The following RIMS2 variants were observed in gnomAD, a reference collection of about 807,000 sequenced individuals.
RIMS2 encodes the protein regulating synaptic membrane exocytosis protein 2.
In RIMS2, 59 loss-of-function variants were observed where a neutral mutation model predicts 174.4. The ratio of observed to expected loss-of-function variants is 0.34; its 90% CI spans 0.27 to 0.42. The LOEUF (loss-of-function observed/expected upper bound fraction) is 0.42, where lower values mean the gene tolerates loss of function less well. RIMS2 is among the 10% of genes least tolerant of loss of function. The pLI is 1.00. For missense variants in RIMS2, 1,620 were observed against 1,666.3 expected, an observed-to-expected ratio of 0.97 and a Z score of 0.48; for synonymous variants, 606 against 572.5, an observed-to-expected ratio of 1.06 and a Z score of -0.84.
At chr8:103,619,585 A>G (rs986015057) in intron 1 of RIMS2, among the ~76,000 whole-genome samples, 1 of 152,174 alleles carries the variant, frequency 6.6e-6, no homozygotes, top group African/African-American at 2.4e-5. Flanking sequence ...GTGGGGAAGA[A>G]AAGAAAGAGC....
intron 3 of RIMS2, among the ~76,000 whole-genome samples, chr8:103,850,787 T>A (rs2098993667): frequency 6.6e-6 from 1 of 152,046 alleles, no homozygotes; most frequent in African/African-American, 2.4e-5. Flanking sequence ...ATGTACCAGA[T>A]CTGCTCTGTT....
intron 11 of RIMS2, among the ~76,000 whole-genome samples, chr8:103,930,433 A>G (rs2079681127): frequency 6.6e-6 from 1 of 152,068 alleles, no homozygotes; most frequent in Non-Finnish European, 1.5e-5. Context: ...TTCTGGGCCA[A>G]GATATGGATC....
chr8:104,183,568 A>G (rs918790453), intron 19 of RIMS2, among the ~76,000 whole-genome samples: 51 of 151,618 alleles, frequency 3.4e-4, no homozygotes, highest in Admixed American at 5.3e-4. Flanking sequence ...CATGGGGGGG[A>G]AAATGAGCAT....
intron 16 of RIMS2, among the ~76,000 whole-genome samples, chr8:103,984,121 C>A (rs1400731173): frequency 4.6e-5 from 7 of 152,006 alleles, no homozygotes; most frequent in Admixed American, 3.9e-4. Context: ...TTGCAGTGAG[C>A]CGAGATCGCG....
At chr8:103,979,477 A>AT (rs1450183799) in intron 16 of RIMS2, among the ~76,000 whole-genome samples, 1 of 152,208 alleles carries the variant, frequency 6.6e-6, no homozygotes, top group African/African-American at 2.4e-5. Flanking sequence ...ACTACTGAGT[A>AT]TCAAAGGATA....
At chr8:103,783,150 GT>G (rs1435447502) in intron 3 of RIMS2, among the ~76,000 whole-genome samples, 1 of 152,050 alleles carries the variant, frequency 6.6e-6, no homozygotes, top group Non-Finnish European at 1.5e-5. Flanking sequence ...CAATTGTATG[GT>G]TGTTGACAGA....
At chr8:104,088,390 T>A (rs2097574063) in intron 19 of RIMS2, among the ~76,000 whole-genome samples, 1 of 152,042 alleles carries the variant, frequency 6.6e-6, no homozygotes, top group African/African-American at 2.4e-5. Flanking sequence ...CCAAGAGCCC[T>A]GCCCAGAACT....
At chr8:103,634,110 CT>C (rs1235833660) in intron 1 of RIMS2, among the ~76,000 whole-genome samples, 1 of 152,072 alleles carries the variant, frequency 6.6e-6, no homozygotes, top group East Asian at 1.9e-4. Context: ...AGTTGTGAAG[CT>C]AGGTTGTTAA....
chr8:104,228,097 C>G (rs925182719), intron 19 of RIMS2, among the ~76,000 whole-genome samples: 2 of 149,250 alleles, frequency 1.3e-5, no homozygotes, highest in African/African-American at 2.5e-5. Context: ...GGTGCGATCT[C>G]GGCTCACTGC....
At chr8:103,998,302 A>ATAT in intron 17 of RIMS2, 1 of 1,196,982 alleles carries the variant, frequency 8.4e-7, no homozygotes, top group East Asian at 2.4e-5. Context: ...GTGCCTGTGT[A>ATAT]TTGATATGAT....
At chr8:104,163,312 A>G (rs193130625) in intron 19 of RIMS2, among the ~76,000 whole-genome samples, 21 of 152,290 alleles carry the variant, frequency 1.4e-4, no homozygotes, top group African/African-American at 5.1e-4. Context: ...TATTCAGTAA[A>G]TATTTATTGA....
chr8:103,886,550 T>C (rs1782455726), intron 4 of RIMS2, among the ~76,000 whole-genome samples: 1 of 151,914 alleles, frequency 6.6e-6, no homozygotes, highest in African/African-American at 2.4e-5. Context: ...TTTTGTCTCC[T>C]TATAAAAGTA....
intron 19 of RIMS2, 141 bp downstream of exon 23, chr8:104,068,753 ATG>A (rs2097146701): frequency 1.8e-6 from 1 of 560,078 alleles, no homozygotes; most frequent in Non-Finnish European, 3.2e-6. Context: ...GCTAAAATTT[ATG>A]TGTTTGTATA....
chr8:104,149,623 C>G (rs1426048770), intron 19 of RIMS2, among the ~76,000 whole-genome samples: 1 of 152,124 alleles, frequency 6.6e-6, no homozygotes, highest in African/African-American at 2.4e-5. Flanking sequence ...AGCATATCTT[C>G]TACTTGACAA....
chr8:103,529,323 A>G (rs182721236), intron 1 of RIMS2, among the ~76,000 whole-genome samples: 1 of 152,318 alleles, frequency 6.6e-6, no homozygotes, highest in Non-Finnish European at 1.5e-5. Flanking sequence ...AGCCTCAGCA[A>G]TGGCGGGTGC....
At chr8:103,720,742 G>A (rs1333702913) in intron 2 of RIMS2, among the ~76,000 whole-genome samples, 1 of 152,134 alleles carries the variant, frequency 6.6e-6, no homozygotes, top group Non-Finnish European at 1.5e-5. Context: ...TATTCAATAA[G>A]AATATAGGAC....
At chr8:103,585,072 G>A (rs1462511438) in intron 1 of RIMS2, among the ~76,000 whole-genome samples, 2 of 152,160 alleles carry the variant, frequency 1.3e-5, no homozygotes, top group East Asian at 1.9e-4. Flanking sequence ...TAAAAGAGCA[G>A]GAGTCTGTTG....
chr8:103,994,943 A>C (rs1326120961), intron 17 of RIMS2, among the ~76,000 whole-genome samples: 1 of 151,948 alleles, frequency 6.6e-6, no homozygotes, highest in Non-Finnish European at 1.5e-5. Flanking sequence ...TAAATTTATA[A>C]ATTTTAGCAA....
intron 3 of RIMS2, among the ~76,000 whole-genome samples, chr8:103,831,264 A>G (rs2098824058): frequency 6.6e-6 from 1 of 152,150 alleles, no homozygotes; most frequent in African/African-American, 2.4e-5. Flanking sequence ...TCCCCCTTCC[A>G]AATATGAATA....
Sources: allele counts gnomAD v4.1 joint callset (sites outside exome capture counted in the v4.1 genomes callset), GRCh38; gene constraint gnomAD v4.1.1; transcripts MANE v1.5; gene names NCBI Gene and HGNC (gene_info 2026-07-23, HGNC 2026-07-21).